Variants in CFTR observed in about 807,000 individuals in gnomAD.
The protein encoded by CFTR is CF transmembrane conductance regulator.
A neutral mutation model predicts 171.6 loss-of-function variants in CFTR; 181 were observed. The observed-to-expected ratio is 1.05, with a 90% CI of 0.93 to 1.19. The LOEUF is 1.19. CFTR is among the 50% of genes most tolerant of loss of function. The pLI, the probability that CFTR is intolerant of heterozygous loss-of-function variation, is 0.00. For synonymous variants in CFTR, 583 were observed against 608.0 expected (o/e 0.96, Z 0.60); for missense variants, 1,968 against 1,734.7 (o/e 1.13, Z -2.39).
intron 1 of CFTR, among the ~76,000 whole-genome samples, chr7:117,496,298 T>A (rs927041711): frequency 1.3e-5 from 2 of 152,126 alleles, no homozygotes; most frequent in Admixed American, 1.3e-4. Flanking sequence ...TTTGAAGTCA[T>A]AGGCGAAAGC....
chr7:117,550,265 C>T (rs1166115411), intron 10 of CFTR, among the ~76,000 whole-genome samples: 1 of 151,386 alleles, frequency 6.6e-6, no homozygotes, highest in Non-Finnish European at 1.5e-5. Flanking sequence ...TCACCTGAGC[C>T]TGAGAAGTGG....
chr7:117,540,114 T>C lies in CFTR; in HGVS notation c.884T>C (p.Leu295Pro). Residue 295 changes from leucine to proline, a missense_variant, in exon 8 of 27, where the codon CTG becomes CCG. Leu to Pro is a moderately conservative substitution (Grantham distance 98). Coordinates refer to ENST00000003084, the MANE Select transcript of CFTR (RefSeq NM_000492.4). ...IENLRQTELK[L>P]TRKAAYVRYF... Reference sequence around the variant, plus strand: ...GTTTTTTATAGAACAGAACTGAAACTGACTCGGAAGGCAGCCTATGTGAGA... The same window carrying C: ...GTTTTTTATAGAACAGAACTGAAACCGACTCGGAAGGCAGCCTATGTGAGA... 2 of 1,613,242 alleles carry C rather than the reference T, an allele frequency of 1.2e-6. No individual in the cohort carries two copies. The highest frequency in any genetic ancestry group is 1.7e-6 in the Non-Finnish European group (2 of 1,179,234).
At chr7:117,601,595 G>A (rs910057077) in intron 15 of CFTR, among the ~76,000 whole-genome samples, 1 of 151,920 alleles carries the variant, frequency 6.6e-6, no homozygotes, top group Non-Finnish European at 1.5e-5. Flanking sequence ...CTTATTCCAA[G>A]CATATTTGTT....
At chr7:117,641,235 A>G (rs908545537) in intron 22 of CFTR, among the ~76,000 whole-genome samples, 1 of 152,182 alleles carries the variant, frequency 6.6e-6, no homozygotes, top group Non-Finnish European at 1.5e-5. Flanking sequence ...AGTGTTCAAT[A>G]AATTATTCTT....
At chr7:117,554,846 C>T (rs968236904) in intron 10 of CFTR, among the ~76,000 whole-genome samples, 3 of 151,976 alleles carry the variant, frequency 2.0e-5, no homozygotes, top group South Asian at 2.1e-4. Context: ...GGAGATAACT[C>T]GTGACTTAAT....
chr7:117,514,395 G>A (rs1798567359), intron 3 of CFTR, among the ~76,000 whole-genome samples: 2 of 152,116 alleles, frequency 1.3e-5, no homozygotes, highest in Admixed American at 1.3e-4. Flanking sequence ...TTTTACGAGT[G>A]AGAACACATG....
intron 1 of CFTR, among the ~76,000 whole-genome samples, chr7:117,490,930 T>C (rs1365957804): frequency 6.6e-6 from 1 of 152,114 alleles, no homozygotes; most frequent in Non-Finnish European, 1.5e-5. Context: ...TTCTTTGCCA[T>C]TGACTTTTAT....
At chr7:117,606,155 A>G (rs763754916) in intron 17 of CFTR, among the ~76,000 whole-genome samples, 22 of 152,278 alleles carry the variant, frequency 1.4e-4, no homozygotes, top group Non-Finnish European at 2.4e-4. Context: ...GTCTGCGAAG[A>G]GGGCAGAAAG....
At chr7:117,521,313 A>G (rs1798682378) in intron 3 of CFTR, among the ~76,000 whole-genome samples, 1 of 151,982 alleles carries the variant, frequency 6.6e-6, no homozygotes, top group African/African-American at 2.4e-5. Context: ...GAGTTGTATT[A>G]GCTAGAAGTT....
intron 11 of CFTR, among the ~76,000 whole-genome samples, chr7:117,581,800 G>A (rs1246649667): frequency 6.6e-6 from 1 of 151,962 alleles, no homozygotes; most frequent in African/African-American, 2.4e-5. Flanking sequence ...ACCCAGGCTG[G>A]AGTGCAATGG....
chr7:117,497,827 C>A (rs534789592), intron 1 of CFTR, among the ~76,000 whole-genome samples: 1 of 151,962 alleles, frequency 6.6e-6, no homozygotes, highest in Admixed American at 6.6e-5. Flanking sequence ...AATAGTTACC[C>A]ATAGCAATTA....
rs1262590454 is a variant in CFTR, at chr7:117,526,074, C to T, written c.274-4825C>T. On this transcript the variant is annotated intron_variant, in intron 3 of 26. Transcript: ENST00000003084. ...CCTTCAGGAGCTCTTTTAGGGCAGG[C>T]CTGGTGGTGACAAAATCTCTCAGCA... Among the ~76,000 whole-genome samples, 4 of 150,134 alleles carry T rather than the reference C, an allele frequency of 2.7e-5. No individual in the cohort carries two copies. In the East Asian group the frequency reaches 5.9e-4, roughly 22 times the overall value.
intron 23 of CFTR, among the ~76,000 whole-genome samples, chr7:117,650,590 C>T (rs1793074498): frequency 6.6e-6 from 1 of 152,086 alleles, no homozygotes; most frequent in South Asian, 2.1e-4. Flanking sequence ...CCCTACCATC[C>T]TCCCGCAGTC....
At chr7:117,650,298 G>T (rs942675215) in intron 23 of CFTR, among the ~76,000 whole-genome samples, 2 of 152,098 alleles carry the variant, frequency 1.3e-5, no homozygotes, top group African/African-American at 4.8e-5. Flanking sequence ...AATTTTATTT[G>T]GGAAGATCAG....
In CFTR at chr7:117,531,049, A is replaced by G. The variant is rs1562889369; in HGVS notation, c.424A>G (p.Ile142Val). The G allele has an allele frequency of 1.2e-6, 2 of 1,613,698 alleles. No homozygotes were observed. The highest frequency in any genetic ancestry group is 1.7e-6 in the Non-Finnish European group (2 of 1,179,844). ...IVRTLLLHPA[I>V]FGLHHIGMQM... ...GAGGACACTGCTCCTACACCCAGCC[A>G]TTTTTGGCCTTCATCACATTGGAAT... is the stretch of plus-strand genomic sequence containing the variant. The change falls in exon 4 of 27, where the codon ATT becomes GTT. Residue 142 changes from isoleucine to valine, a missense_variant. By Grantham distance (29) the Ile-to-Val change is conservative. Coordinates refer to ENST00000003084, the MANE Select transcript of CFTR (RefSeq NM_000492.4).
At chr7:117,517,332 T>G (rs2116651934) in intron 3 of CFTR, among the ~76,000 whole-genome samples, 1 of 152,282 alleles carries the variant, frequency 6.6e-6, no homozygotes. Context: ...CTTGTGTTAG[T>G]TTGCTGAGAA....
chr7:117,571,317 G>T (rs2115973191), intron 11 of CFTR, among the ~76,000 whole-genome samples: 1 of 152,310 alleles, frequency 6.6e-6, no homozygotes, highest in Middle Eastern at 3.4e-3. Flanking sequence ...CAGATTTCAA[G>T]ATAGCACAAT....
At chr7:117,493,659 T>G (rs1253521457) in intron 1 of CFTR, among the ~76,000 whole-genome samples, 1 of 152,058 alleles carries the variant, frequency 6.6e-6, no homozygotes. Flanking sequence ...ACTTAAATCT[T>G]GAGTCATACA....
intron 11 of CFTR, among the ~76,000 whole-genome samples, chr7:117,585,726 C>T (rs779372801): frequency 1.8e-4 from 27 of 152,110 alleles, no homozygotes; most frequent in Non-Finnish European, 3.1e-4. Context: ...GCTATAGCCT[C>T]GAATTCCTGG....
Sources: gnomAD v4.1 joint callset for allele counts (sites outside exome capture counted in the v4.1 genomes callset) on GRCh38, gnomAD v4.1.1 for gene constraint, MANE v1.5 for transcripts, NCBI Gene and HGNC (gene_info 2026-07-23, HGNC 2026-07-21) for gene names.